RASA1: variants seen among roughly 807,000 people sequenced by gnomAD.
The protein encoded by RASA1 is ras GTPase-activating protein 1.
A neutral mutation model predicts 132.2 loss-of-function variants in RASA1; 25 were observed. The ratio of observed to expected loss-of-function variants is 0.19; its 90% CI spans 0.14 to 0.26. The LOEUF (loss-of-function observed/expected upper bound fraction) is 0.26. Among genes scored for constraint, RASA1 ranks in the 10% least tolerant of loss-of-function variants. The pLI, the probability that RASA1 is intolerant of heterozygous loss-of-function variation, is 1.00. For synonymous variants in RASA1, 477 were observed against 449.9 expected (o/e 1.06, Z -0.76); for missense variants, 964 against 1,299.2 (o/e 0.74, Z 3.97).
chr5:87,278,075 A>G (rs1754143964), intron 1 of RASA1, among the ~76,000 whole-genome samples: 1 of 152,010 alleles, frequency 6.6e-6, no homozygotes, highest in African/African-American at 2.4e-5. Context: ...GATCTCCCTC[A>G]CCTCTTTTAA....
rs1561243682 is a variant in RASA1 at position 87,267,959 on chromosome 5, A to AC, written c.-489dup. 9 of 193,030 alleles carry AC rather than the reference A, an allele frequency of 4.7e-5. No homozygotes were observed. Among genetic ancestry groups the AC allele is most frequent in the East Asian group, 2.2e-4 (3 of 13,338 alleles). 12.0% of individuals were successfully genotyped at this position (193,030 alleles called of 1,614,324 possible). A position where few individuals can be genotyped will look rare whatever the true frequency, so the allele number is the denominator to read the frequency against. On this transcript the variant is annotated 5_prime_UTR_variant, in exon 1 of 25. Coordinates refer to ENST00000274376, the MANE Select transcript of RASA1 (RefSeq NM_002890.3). Reference sequence around the variant, plus strand: ...CCGCCCCCCTTTCTCTTGCCCCCCCACCCCTCTCATCTGCCTGGTGGAGGA... The same window carrying AC: ...CCGCCCCCCTTTCTCTTGCCCCCCCACCCCCTCTCATCTGCCTGGTGGAGGA...
At chr5:87,279,101 G>C (rs1754199780) in intron 1 of RASA1, among the ~76,000 whole-genome samples, 1 of 151,948 alleles carries the variant, frequency 6.6e-6, no homozygotes, top group Non-Finnish European at 1.5e-5. Flanking sequence ...AAAATTAGCT[G>C]TTCGTGGTGT....
intron 15 of RASA1, 196 bp from the exon 16 acceptor site, chr5:87,376,197 C>A (rs139647846): frequency 2.2e-4 from 139 of 645,748 alleles, no homozygotes; most frequent in African/African-American, 1.7e-3. Flanking sequence ...TCTGTACTCT[C>A]TACCTATCAG....
intron 11 of RASA1, among the ~76,000 whole-genome samples, chr5:87,367,883 G>A (rs932094043): frequency 1.6e-4 from 25 of 151,908 alleles, no homozygotes; most frequent in African/African-American, 4.4e-4. Flanking sequence ...TTTTCTCTTA[G>A]AGGTAATGTA....
intron 11 of RASA1, among the ~76,000 whole-genome samples, chr5:87,365,203 T>C (rs1278485470): frequency 3.3e-5 from 5 of 152,146 alleles, no homozygotes; most frequent in Non-Finnish European, 5.9e-5. Context: ...CCTGAGATAC[T>C]AGTGGTTGTA....
At chr5:87,315,757 T>C (rs1756282293) in intron 1 of RASA1, among the ~76,000 whole-genome samples, 1 of 152,212 alleles carries the variant, frequency 6.6e-6, no homozygotes, top group South Asian at 2.1e-4. Flanking sequence ...CTGCTTCCAT[T>C]ATTTTTGTAT....
chr5:87,337,934 A>C, intron 4 of RASA1, 40 bp from the exon 5 acceptor site: 1 of 1,544,350 alleles, frequency 6.5e-7, no homozygotes, highest in Non-Finnish European at 8.8e-7. Context: ...TCTGTATTTA[A>C]AATTTTTAAA....
Position 87,391,685 on chromosome 5 carries a change from ATGT to A in RASA1, c.*804_*806del, listed in dbSNP as rs1182935401. The stretch of plus-strand genomic sequence containing the variant: ...ATTTTATAGACTACCAATTTCTTTT[ATGT>A]TAACTAGAATGCTTTTGTTAAAAGT... On this transcript the variant is annotated 3_prime_UTR_variant, in exon 25 of 25. Coordinates refer to ENST00000274376, the MANE Select transcript of RASA1 (RefSeq NM_002890.3). The A allele has an allele frequency of 4.3e-6, 1 of 232,744 alleles. No homozygotes were observed. The highest frequency in any genetic ancestry group is 8.5e-6 in the Non-Finnish European group (1 of 117,674). The allele number at this position is 232,744 out of a possible 1,614,324, so 14.4% of individuals were successfully genotyped here. A position where few individuals can be genotyped will look rare whatever the true frequency, so the allele number is the denominator to read the frequency against.
chr5:87,360,124 G>GT (rs755443447), intron 9 of RASA1, among the ~76,000 whole-genome samples: 6,150 of 132,646 alleles, frequency 0.046, 177 homozygotes, highest in Non-Finnish European at 0.068. Context: ...TCAAAATGCA[G>GT]TTTTTTTTTT....
intron 23 of RASA1, among the ~76,000 whole-genome samples, chr5:87,387,222 T>G (rs1762121655): frequency 6.6e-6 from 1 of 152,106 alleles, no homozygotes; most frequent in Admixed American, 6.6e-5. Flanking sequence ...TTCTGTTGCC[T>G]CCTTAGCTTT....
Position 87,268,956 on chromosome 5 carries a change from G to A in RASA1, c.505G>A (p.Val169Met). ...LDGPEYEEEE[V>M]AIPLTAPPTN... ...TGGACCAGAATACGAGGAGGAAGAG[G>A]TGGCCATACCGTTGACCGCTCCTCC... is the stretch of plus-strand genomic sequence containing the variant. Residue 169 changes from valine to methionine, a missense_variant, in exon 1 of 25, where the codon GTG (valine) becomes ATG (methionine). Transcript: ENST00000274376. The A allele has an allele frequency of 1.2e-6, 2 of 1,614,232 alleles. No homozygotes were observed. Among genetic ancestry groups the A allele is most frequent in the Non-Finnish European group, 1.7e-6 (2 of 1,180,054 alleles).
rs1458656923 is a variant in RASA1, at chr5:87,338,527, A to T, written c.1017+436A>T. On this transcript the variant is annotated intron_variant, in intron 5 of 24. Transcript: ENST00000274376. The stretch of plus-strand genomic sequence containing the variant: ...TATATATATATATATATATATATAT[A>T]TATATAAAATTTTTTTTTTTTTTAA... Among the ~76,000 whole-genome samples, 168 of 95,418 alleles carry T rather than the reference A, an allele frequency of 1.8e-3. 6 individuals carry two copies. The highest frequency in any genetic ancestry group is 9.3e-3 in the East Asian group (28 of 3,026). 62.6% of individuals were successfully genotyped at this position (95,418 alleles called of 152,430 possible).
chr5:87,345,993 G>C (rs1436481694), intron 6 of RASA1, among the ~76,000 whole-genome samples: 1 of 151,986 alleles, frequency 6.6e-6, no homozygotes, highest in Non-Finnish European at 1.5e-5. Context: ...TTTATTTGAA[G>C]GTAAAATTTA....
At chr5:87,377,793 A>G (rs959865761) in intron 17 of RASA1, among the ~76,000 whole-genome samples, 1 of 152,202 alleles carries the variant, frequency 6.6e-6, no homozygotes, top group African/African-American at 2.4e-5. Flanking sequence ...ATTCATTAAC[A>G]GTTCTTGCTT....
At chr5:87,335,183 A>G (rs897509625) in intron 4 of RASA1, among the ~76,000 whole-genome samples, 2 of 152,074 alleles carry the variant, frequency 1.3e-5, no homozygotes, top group Non-Finnish European at 2.9e-5. Flanking sequence ...CACCTGGCTT[A>G]GCTGTTACTT....
intron 8 of RASA1, among the ~76,000 whole-genome samples, chr5:87,352,077 A>G (rs916280478): frequency 6.6e-5 from 10 of 151,496 alleles, no homozygotes; most frequent in Non-Finnish European, 1.2e-4. Context: ...ATGGTATTAG[A>G]TTTTTTTATT....
chr5:87,383,361 C>T (rs1302702963), intron 20 of RASA1, among the ~76,000 whole-genome samples: 1 of 152,026 alleles, frequency 6.6e-6, no homozygotes, highest in African/African-American at 2.4e-5. Context: ...CTTAAGATTC[C>T]TGAGGATACT....
intron 24 of RASA1, 80 bp from the exon 25 acceptor site, chr5:87,390,720 T>G: frequency 8.4e-7 from 1 of 1,194,000 alleles, no homozygotes; most frequent in Non-Finnish European, 1.2e-6. Flanking sequence ...TTTGATACAG[T>G]TTTTTTCAAA....
At chr5:87,332,417 A>G in intron 2 of RASA1, 90 bp from the exon 3 acceptor site, 1 of 1,315,850 alleles carries the variant, frequency 7.6e-7, no homozygotes, top group Non-Finnish European at 1.1e-6. Flanking sequence ...AGAGTATGGA[A>G]ATTATGGATT....
Sources: allele counts gnomAD v4.1 joint callset (sites outside exome capture counted in the v4.1 genomes callset), GRCh38; gene constraint gnomAD v4.1.1; transcripts MANE v1.5; gene names NCBI Gene and HGNC (gene_info 2026-07-23, HGNC 2026-07-21).